The following FBXO11 variants were observed in gnomAD, a reference collection of about 807,000 sequenced individuals.
FBXO11 encodes the protein F-box only protein 11.
Under a neutral mutation model 117.0 loss-of-function variants are expected in FBXO11, and 13 were observed. That is an observed-to-expected ratio of 0.11 (90% confidence interval 0.07 to 0.18). The LOEUF (loss-of-function observed/expected upper bound fraction) is 0.18, where lower values mean the gene tolerates loss of function less well. Ranked by LOEUF, FBXO11 falls within the 10% of genes least tolerant of loss-of-function variation. FBXO11 has a pLI of 1.00. For synonymous variants in FBXO11, 490 were observed against 380.5 expected, an observed-to-expected ratio of 1.29 and a Z score of -3.35; for missense variants, 767 against 1,164.4, an observed-to-expected ratio of 0.66 and a Z score of 4.97.
At chr2:47,878,008 A>C (rs917358852) in intron 1 of FBXO11, among the ~76,000 whole-genome samples, 11 of 152,068 alleles carry the variant, frequency 7.2e-5, no homozygotes, top group African/African-American at 2.4e-4. Flanking sequence ...TAATTGCTGC[A>C]TATGTCTCCT....
chr2:47,863,023 C>T (rs186083746), intron 1 of FBXO11, among the ~76,000 whole-genome samples: 1 of 150,302 alleles, frequency 6.7e-6, no homozygotes, highest in Non-Finnish European at 1.5e-5. Context: ...CCATCACACT[C>T]CAGCCTGGGT....
rs750145053 is a variant in FBXO11 at position 47,832,538 on chromosome 2, A to G, written c.1260+34T>C. ...TCAGTAGAGCTTTTAAACATTTTCT[A>G]AAAAGAAAAAAACCACACAAAATTA... On this transcript the variant is annotated intron_variant, in intron 10 of 22. Transcript: ENST00000403359. 6.2e-6 allele frequency: 10 copies of G among 1,607,438 alleles called. No individual in the cohort carries two copies. The South Asian group carries it at 1.1e-4, about 18-fold the overall frequency.
chr2:47,813,398 G>A (rs1445595779), intron 17 of FBXO11, 21 bp from the exon 18 acceptor site: 4 of 1,225,772 alleles, frequency 3.3e-6, no homozygotes, highest in Non-Finnish European at 4.5e-6. Flanking sequence ...AAAAATGTAG[G>A]TTATCTAGAA....
chr2:47,829,727 C>G (rs970869257), intron 11 of FBXO11, among the ~76,000 whole-genome samples: 1 of 151,908 alleles, frequency 6.6e-6, no homozygotes, highest in African/African-American at 2.4e-5. Context: ...AAACACCCAT[C>G]TTTTAAAGAC....
chr2:47,900,793 T>C (rs1678150978), intron 1 of FBXO11, among the ~76,000 whole-genome samples: 1 of 89,618 alleles, frequency 1.1e-5, no homozygotes, highest in African/African-American at 3.9e-5. Flanking sequence ...CACACGTGTA[T>C]ATATATACAC....
At chr2:47,862,753 G>A (rs541318802) in intron 1 of FBXO11, among the ~76,000 whole-genome samples, 24 of 152,168 alleles carry the variant, frequency 1.6e-4, no homozygotes, top group African/African-American at 5.8e-4. Flanking sequence ...AAGACTTACA[G>A]CAGCTTCAAA....
In FBXO11 at chr2:47,863,870, G is replaced by A. The variant is rs145862949; in HGVS notation, c.233-24101C>T. On this transcript the variant is annotated intron_variant, in intron 1 of 22. Coordinates refer to ENST00000403359, the MANE Select transcript of FBXO11 (RefSeq NM_001190274.2). ...GCAGGAGAATTGCTTGAACCCTGGA[G>A]GTGGAGGTTGCAGTGAGCCAAGATT... 2.2e-4 allele frequency among the ~76,000 whole-genome samples: 33 copies of A among 151,980 alleles called. No homozygotes were observed. In the East Asian group the frequency reaches 2.5e-3, roughly 12 times the overall value.
In FBXO11 at chr2:47,831,427, GAAAAAAAAAAA is replaced by G. The variant is rs920107554; in HGVS notation, c.1398+911_1398+921del. Reference sequence around the variant, plus strand: ...CAAGGGTGAAACTCGGTCTCAAAAAGAAAAAAAAAAAAAAAAAAAAAGAAAAATGAAAATAA... The same window carrying G: ...CAAGGGTGAAACTCGGTCTCAAAAAGAAAAAAAAAAGAAAAATGAAAATAA... On this transcript the variant is annotated intron_variant, in intron 11 of 22. Coordinates refer to ENST00000403359, the MANE Select transcript of FBXO11 (RefSeq NM_001190274.2). 1.5e-4 allele frequency among the ~76,000 whole-genome samples: 10 copies of G among 65,774 alleles called. No homozygotes were observed. The East Asian group carries it at 4.6e-3, about 30-fold the overall frequency. The allele number at this position is 65,774 out of a possible 152,430, so 43.2% of individuals were successfully genotyped here. A position where few individuals can be genotyped will look rare whatever the true frequency, so the allele number is the denominator to read the frequency against.
chr2:47,822,084 T>G, intron 13 of FBXO11, 134 bp downstream of exon 13: 2 of 658,112 alleles, frequency 3.0e-6, no homozygotes, highest in Non-Finnish European at 2.6e-6. Context: ...AGACCTCATT[T>G]CTTTAAAAAA....
intron 1 of FBXO11, chr2:47,883,592 T>C (rs898108335): frequency 1.3e-5 from 4 of 318,804 alleles, no homozygotes; most frequent in African/African-American, 4.4e-5. Context: ...TGATGTTTGA[T>C]GGCAAGCAAC....
intron 20 of FBXO11, 114 bp downstream of exon 20, chr2:47,809,484 ATC>A: frequency 1.2e-6 from 1 of 800,252 alleles, no homozygotes; most frequent in Non-Finnish European, 2.0e-6. Flanking sequence ...TTCAAAATCT[ATC>A]TTAAACTGTT....
intron 11 of FBXO11, among the ~76,000 whole-genome samples, chr2:47,831,496 C>T (rs1289458970): frequency 1.3e-5 from 2 of 149,798 alleles, no homozygotes. Context: ...ATCCAACATT[C>T]CCAGGATTGC....
At chr2:47,894,829 T>C (rs1677535886) in intron 1 of FBXO11, among the ~76,000 whole-genome samples, 1 of 152,154 alleles carries the variant, frequency 6.6e-6, no homozygotes, top group Non-Finnish European at 1.5e-5. Flanking sequence ...TAATAACAAC[T>C]GTGGCTATCT....
At chr2:47,857,714 C>G (rs541705395) in intron 1 of FBXO11, among the ~76,000 whole-genome samples, 3 of 152,078 alleles carry the variant, frequency 2.0e-5, no homozygotes, top group Admixed American at 2.0e-4. Context: ...AGCTTTGTCA[C>G]GAGAAGTCAC....
At chr2:47,879,935 C>T (rs1676313265) in intron 1 of FBXO11, among the ~76,000 whole-genome samples, 1 of 151,934 alleles carries the variant, frequency 6.6e-6, no homozygotes, top group Non-Finnish European at 1.5e-5. Context: ...AACAAAATTT[C>T]CTTTCTAAAG....
intron 1 of FBXO11, among the ~76,000 whole-genome samples, chr2:47,864,696 T>A (rs749012389): frequency 6.6e-6 from 1 of 152,214 alleles, no homozygotes; most frequent in Non-Finnish European, 1.5e-5. Context: ...TCTGTCAAGA[T>A]GAATAAAAGT....
At chr2:47,820,587 A>C in intron 13 of FBXO11, 131 bp from the exon 14 acceptor site, 1 of 641,232 alleles carries the variant, frequency 1.6e-6, no homozygotes, top group Non-Finnish European at 2.7e-6. Context: ...AATTAAGAGA[A>C]CTAGAAGTGT....
At chr2:47,825,679 C>T (rs1325013430) in intron 11 of FBXO11, among the ~76,000 whole-genome samples, 4 of 148,890 alleles carry the variant, frequency 2.7e-5, no homozygotes, top group South Asian at 4.2e-4. Flanking sequence ...TGGGCTCAAA[C>T]GATCCTCCCC....
chr2:47,872,473 G>A (rs1047521351), intron 1 of FBXO11, among the ~76,000 whole-genome samples: 12 of 152,162 alleles, frequency 7.9e-5, no homozygotes, highest in South Asian at 6.2e-4. Context: ...ACAGGAGTGC[G>A]CCACCATGCC....
Sources: allele counts gnomAD v4.1 joint callset (sites outside exome capture counted in the v4.1 genomes callset), GRCh38; gene constraint gnomAD v4.1.1; transcripts MANE v1.5; gene names NCBI Gene and HGNC (gene_info 2026-07-23, HGNC 2026-07-21).